Variants in ENAH observed in about 807,000 individuals in gnomAD.
ENAH encodes the protein ENAH actin regulator.
In ENAH, 23 loss-of-function variants were observed where a neutral mutation model predicts 78.7. That is an observed-to-expected ratio of 0.29 (90% CI 0.21 to 0.41). ENAH has a LOEUF of 0.41. ENAH is among the 10% of genes least tolerant of loss of function. The probability of loss-of-function intolerance (pLI) is 1.00; values close to 1 mark genes in which losing one functional copy is unlikely to be tolerated. For synonymous variants in ENAH, 226 were observed against 241.0 expected (o/e 0.94, Z 0.58); for missense variants, 544 against 691.0 (o/e 0.79, Z 2.39).
chr1:225,575,458 C>T (rs1049468029), intron 1 of ENAH, among the ~76,000 whole-genome samples: 5 of 152,162 alleles, frequency 3.3e-5, no homozygotes, highest in Admixed American at 1.3e-4. Context: ...ATAATTGGGC[C>T]TCTGTCTTCC....
At chr1:225,620,279 G>C (rs1256335409) in intron 1 of ENAH, among the ~76,000 whole-genome samples, 2 of 151,946 alleles carry the variant, frequency 1.3e-5, no homozygotes, top group African/African-American at 4.8e-5. Context: ...TGTAATCCCA[G>C]CACTTTGGGA....
chr1:225,610,988 A>G (rs566143756), intron 1 of ENAH, among the ~76,000 whole-genome samples: 1 of 152,222 alleles, frequency 6.6e-6, no homozygotes, highest in Admixed American at 6.5e-5. Flanking sequence ...CAGATACAGA[A>G]TATGTTCTAT....
At chr1:225,584,247 G>A (rs1312482289) in intron 1 of ENAH, among the ~76,000 whole-genome samples, 1 of 152,210 alleles carries the variant, frequency 6.6e-6, no homozygotes, top group African/African-American at 2.4e-5. Context: ...TTCAAATTAT[G>A]CAGATAGGAT....
In ENAH at chr1:225,517,215, G is replaced by C. The variant is rs765387144; in HGVS notation, c.894C>G (p.Ala298=). Residue 298 remains alanine, a synonymous_variant, in exon 6 of 14, where the codon GCC becomes GCG. Transcript: ENST00000366843. ...EPGLQAASQP[A]ETPSQQGIVL... is the part of the protein sequence containing the mutation. ...CCTTACCCTGTTGGGATGGAGTCTC[G>C]GCCGGCTGAGAGGCTGCCTGCAAGC... 2 of 1,542,892 alleles carry C rather than the reference G, an allele frequency of 1.3e-6. No homozygotes were observed. The highest frequency in any genetic ancestry group is 1.4e-5 in the African/African-American group (1 of 73,010).
intron 10 of ENAH, 83 bp downstream of exon 10, chr1:225,511,727 AT>A: frequency 1.0e-6 from 1 of 964,350 alleles, no homozygotes; most frequent in East Asian, 2.7e-5. Flanking sequence ...TGGTCCAAAT[AT>A]GGGGAAAGGG....
chr1:225,653,732 G>A (rs998360231), upstream of ENAH, among the ~76,000 whole-genome samples: 28 of 152,232 alleles, frequency 1.8e-4, no homozygotes, highest in Non-Finnish European at 3.5e-4. This position sits in a 1 kb window ranked among gnomAD's most constrained non-coding sequence, Gnocchi z 4.3. Context: ...TCAGGACGGG[G>A]ATGAGGGAAT....
chr1:225,639,479 T>C (rs1025296629), intron 1 of ENAH, among the ~76,000 whole-genome samples: 1 of 152,116 alleles, frequency 6.6e-6, no homozygotes, highest in Non-Finnish European at 1.5e-5. Flanking sequence ...GTGGGTTAGT[T>C]ACCACAGGAA....
intron 1 of ENAH, among the ~76,000 whole-genome samples, chr1:225,647,098 C>T (rs1004353666): frequency 4.6e-5 from 7 of 151,994 alleles, no homozygotes; most frequent in Non-Finnish European, 1.0e-4. Flanking sequence ...TGGTGGCACG[C>T]GCCTGTAGTC....
chr1:225,518,944 G>T, intron 5 of ENAH: 2 of 518,440 alleles, frequency 3.9e-6, no homozygotes, highest in Non-Finnish European at 3.3e-6. Context: ...CCATTTTATA[G>T]GGTGTTAGAA....
chr1:225,621,701 A>G (rs1209538805), intron 1 of ENAH, among the ~76,000 whole-genome samples: 1 of 152,186 alleles, frequency 6.6e-6, no homozygotes, highest in Non-Finnish European at 1.5e-5. Flanking sequence ...GCACACATCA[A>G]ATACAAACAT....
intron 1 of ENAH, among the ~76,000 whole-genome samples, chr1:225,599,626 T>G (rs539186274): frequency 3.0e-4 from 46 of 151,588 alleles, no homozygotes; most frequent in Admixed American, 2.1e-3. Flanking sequence ...ACCAACATGG[T>G]GAAACCCCGT....
At chr1:225,631,414 A>G (rs2148356146) in intron 1 of ENAH, among the ~76,000 whole-genome samples, 1 of 152,068 alleles carries the variant, frequency 6.6e-6, no homozygotes, top group East Asian at 1.9e-4. Context: ...TACTATAAAA[A>G]AAAAAAAAAA....
At chr1:225,579,204 T>C (rs947080555) in intron 1 of ENAH, among the ~76,000 whole-genome samples, 1 of 152,176 alleles carries the variant, frequency 6.6e-6, no homozygotes, top group African/African-American at 2.4e-5. Context: ...GCAACCACTC[T>C]ACTAAAAAAA....
chr1:225,554,757 C>A (rs2096658286), intron 3 of ENAH, 149 bp downstream of exon 3: 5 of 584,472 alleles, frequency 8.6e-6, no homozygotes, highest in Middle Eastern at 4.6e-4. Flanking sequence ...AATTCAAAAA[C>A]TACTTCAAAT....
rs2096252763 is a variant in ENAH, at chr1:225,497,032, A to G, written c.*743T>C. 1.3e-5 allele frequency: 2 copies of G among 152,682 alleles called. No individual in the cohort carries two copies. The highest frequency in any genetic ancestry group is 2.9e-5 in the Non-Finnish European group (2 of 68,044). 9.5% of individuals were successfully genotyped at this position (152,682 alleles called of 1,614,324 possible). On this transcript the variant is annotated 3_prime_UTR_variant, in exon 14 of 14. Coordinates refer to ENST00000366843, the MANE Select transcript of ENAH (RefSeq NM_018212.6). ...ATTTGACCACTGGTTTGTGTTATGT[A>G]GAAGTCATAGATTTGGTAAAGCATT...
At chr1:225,537,948 T>C (rs369158225) in intron 3 of ENAH, among the ~76,000 whole-genome samples, 3 of 152,302 alleles carry the variant, frequency 2.0e-5, no homozygotes, top group South Asian at 4.1e-4. Flanking sequence ...CAGTAGACTC[T>C]GCATTCATGA....
chr1:225,555,777 T>A (rs1004304151), intron 2 of ENAH, among the ~76,000 whole-genome samples: 1 of 152,074 alleles, frequency 6.6e-6, no homozygotes, highest in Admixed American at 6.5e-5. Context: ...TCTTAACTCC[T>A]CCCACCTCCC....
intron 3 of ENAH, among the ~76,000 whole-genome samples, chr1:225,538,712 T>C (rs188648877): frequency 1.3e-5 from 2 of 152,330 alleles, no homozygotes; most frequent in East Asian, 3.9e-4. Context: ...TATCAGTTGA[T>C]AACTTGCTGA....
At chr1:225,498,320 G>A in intron 13 of ENAH, 27 bp downstream of exon 13, 1 of 1,543,538 alleles carries the variant, frequency 6.5e-7, no homozygotes, top group Non-Finnish European at 8.9e-7. Context: ...TGTTTTATAG[G>A]AATAGTAAAT....
Sources: gnomAD v4.1 joint callset for allele counts (sites outside exome capture counted in the v4.1 genomes callset) on GRCh38, gnomAD v4.1.1 for gene constraint, Gnocchi (gnomAD v3.1) non-coding constraint, MANE v1.5 for transcripts, NCBI Gene and HGNC (gene_info 2026-07-23, HGNC 2026-07-21) for gene names.